Variants in VDAC1 observed in about 807,000 individuals in gnomAD.
VDAC1 encodes the protein voltage dependent anion channel 1, also known as non-selective voltage-gated ion channel VDAC1.
VDAC1 carries 10 observed loss-of-function variants against 34.7 expected under a neutral mutation model. The observed-to-expected ratio is 0.29, with a 90% CI of 0.18 to 0.49. The LOEUF is 0.49. VDAC1 is among the 20% of genes least tolerant of loss of function. The pLI is 0.99. For missense variants in VDAC1, 230 were observed against 347.9 expected (o/e 0.66, Z 2.69); for synonymous variants, 130 against 136.0 (o/e 0.96, Z 0.30).
At chr5:134,041,453 C>A in the VDAC1 span, among the ~76,000 whole-genome samples, 83 of 152,316 alleles carry the variant, frequency 5.4e-4, no homozygotes, top group African/African-American at 1.9e-3. Context: ...CTAGAGAAGG[C>A]CAGCCCTGAT....
the VDAC1 span, among the ~76,000 whole-genome samples, chr5:134,054,118 G>A: frequency 0.01 from 1,588 of 152,288 alleles, 15 homozygotes; most frequent in Non-Finnish European, 0.014. Flanking sequence ...ATCTGTTGCA[G>A]GAATTTACAA....
chr5:134,058,090 T>C, the VDAC1 span, among the ~76,000 whole-genome samples: 1 of 151,936 alleles, frequency 6.6e-6, no homozygotes, highest in Non-Finnish European at 1.5e-5. Flanking sequence ...GAGATGGGGC[T>C]TCACCATGTT....
chr5:133,979,424 CTTTTT>C (rs71581380), intron 6 of VDAC1, among the ~76,000 whole-genome samples: 3 of 80,992 alleles, frequency 3.7e-5, no homozygotes, highest in South Asian at 5.1e-4. Flanking sequence ...ATTTTCTTTG[CTTTTT>C]TTTTTTTTTT....
chr5:133,975,686 T>C (rs1580706469), intron 7 of VDAC1, among the ~76,000 whole-genome samples, 185 bp downstream of exon 7: 2 of 152,200 alleles, frequency 1.3e-5, no homozygotes, highest in East Asian at 3.9e-4. Flanking sequence ...GTCAGACTCC[T>C]GACCTCAAGT....
At chr5:134,002,707 G>A (rs1366522747) in intron 1 of VDAC1, among the ~76,000 whole-genome samples, 1 of 152,206 alleles carries the variant, frequency 6.6e-6, no homozygotes, top group Non-Finnish European at 1.5e-5. Flanking sequence ...GCTCACGCGT[G>A]TAATCCCAGC....
the VDAC1 span, among the ~76,000 whole-genome samples, chr5:134,093,002 C>A: frequency 6.6e-6 from 1 of 152,220 alleles, no homozygotes; most frequent in Admixed American, 6.5e-5. Flanking sequence ...CAAGCTAATG[C>A]ACAATCATCC....
the VDAC1 span, among the ~76,000 whole-genome samples, chr5:134,027,537 A>T: frequency 6.6e-6 from 1 of 152,216 alleles, no homozygotes; most frequent in Non-Finnish European, 1.5e-5. Flanking sequence ...ACTGAGACAC[A>T]GAATAATACA....
At chr5:134,027,235 T>C in the VDAC1 span, among the ~76,000 whole-genome samples, 1 of 152,186 alleles carries the variant, frequency 6.6e-6, no homozygotes, top group Admixed American at 6.5e-5. Flanking sequence ...GAGACGTCCC[T>C]GGATCAGGGG....
the VDAC1 span, among the ~76,000 whole-genome samples, chr5:134,030,271 T>C: frequency 1.3e-5 from 2 of 150,570 alleles, no homozygotes; most frequent in African/African-American, 4.9e-5. Context: ...ACCTGGGAGG[T>C]GGAGGTCCGC....
the VDAC1 span, among the ~76,000 whole-genome samples, chr5:134,069,892 C>T: frequency 9.2e-5 from 14 of 152,098 alleles, no homozygotes; most frequent in Non-Finnish European, 1.9e-4. Context: ...AAGAAGCTGG[C>T]CAAAACCCAC....
chr5:134,060,989 C>T, the VDAC1 span, among the ~76,000 whole-genome samples: 1 of 147,814 alleles, frequency 6.8e-6, no homozygotes, highest in African/African-American at 2.5e-5. Flanking sequence ...TCTCCCACCT[C>T]AGCTTCCCGA....
the VDAC1 span, among the ~76,000 whole-genome samples, chr5:134,037,237 C>T: frequency 6.6e-6 from 1 of 152,130 alleles, no homozygotes; most frequent in African/African-American, 2.4e-5. Flanking sequence ...CCTGGATGCC[C>T]ACCAGATGGA....
chr5:134,006,820 C>T (rs958919240), upstream of VDAC1, among the ~76,000 whole-genome samples: 3 of 149,106 alleles, frequency 2.0e-5, no homozygotes, highest in Admixed American at 6.7e-5. Context: ...TGGGCCCCTT[C>T]GCCAGCTCCC....
At chr5:134,061,565 G>C in the VDAC1 span, among the ~76,000 whole-genome samples, 4 of 151,370 alleles carry the variant, frequency 2.6e-5, no homozygotes, top group African/African-American at 7.3e-5. Context: ...TAGAGATGGG[G>C]TCTCCCTATG....
At chr5:134,084,617 G>A in the VDAC1 span, among the ~76,000 whole-genome samples, 1 of 152,226 alleles carries the variant, frequency 6.6e-6, no homozygotes, top group African/African-American at 2.4e-5. Flanking sequence ...CCCATGGCTA[G>A]CCACTTCAAC....
chr5:134,099,941 T>C, the VDAC1 span, among the ~76,000 whole-genome samples: 4 of 151,940 alleles, frequency 2.6e-5, no homozygotes, highest in Non-Finnish European at 5.9e-5. Flanking sequence ...TGAGACAGAG[T>C]GGGAAGGGGT....
At chr5:134,017,588 ATACT>A in the VDAC1 span, among the ~76,000 whole-genome samples, 2 of 152,262 alleles carry the variant, frequency 1.3e-5, no homozygotes, top group South Asian at 4.2e-4. Flanking sequence ...GGTATTACTA[ATACT>A]TAATAAATAA....
At chr5:134,023,484 A>AAAC in the VDAC1 span, among the ~76,000 whole-genome samples, 1 of 151,490 alleles carries the variant, frequency 6.6e-6, no homozygotes, top group Non-Finnish European at 1.5e-5. Context: ...TTAAAGTAAA[A>AAAC]AAAAAAAAAA....
At chr5:134,007,702 TG>T (rs1308009924), upstream of VDAC1, among the ~76,000 whole-genome samples, 1 of 152,146 alleles carries the variant, frequency 6.6e-6, no homozygotes, top group East Asian at 1.9e-4. Flanking sequence ...TCAAGGCCCT[TG>T]GGGAGACCTG....
Sources: allele counts gnomAD v4.1 joint callset (sites outside exome capture counted in the v4.1 genomes callset), GRCh38; gene constraint gnomAD v4.1.1; transcripts MANE v1.5; gene names NCBI Gene and HGNC (gene_info 2026-07-23, HGNC 2026-07-21).